ZNF431: variants seen among roughly 807,000 people sequenced by gnomAD.
ZNF431 encodes zinc finger protein 431.
Under a neutral mutation model 57.0 loss-of-function variants are expected in ZNF431, and 34 were observed. The ratio of observed to expected loss-of-function variants is 0.60; its 90% CI spans 0.45 to 0.79. The LOEUF (loss-of-function observed/expected upper bound fraction) is 0.79, where lower values mean the gene tolerates loss of function less well. ZNF431 is among the 30% of genes least tolerant of loss of function. The pLI is 0.00. For missense variants in ZNF431, 607 were observed against 667.1 expected, an observed-to-expected ratio of 0.91 and a Z score of 0.99; for synonymous variants, 207 against 220.3, an observed-to-expected ratio of 0.94 and a Z score of 0.54.
chr19:21,170,767 A>G (rs957979449), intron 4 of ZNF431, among the ~76,000 whole-genome samples: 19 of 151,436 alleles, frequency 1.3e-4, no homozygotes, highest in African/African-American at 4.4e-4. Context: ...TGCACCTCCC[A>G]GGTTATAGCT....
intron 2 of ZNF431, among the ~76,000 whole-genome samples, chr19:21,164,418 A>G (rs2144986826): frequency 6.6e-6 from 1 of 152,172 alleles, no homozygotes; most frequent in Non-Finnish European, 1.5e-5. Flanking sequence ...ATGGCAGATC[A>G]TATTTTTATT....
intron 4 of ZNF431, among the ~76,000 whole-genome samples, chr19:21,181,291 C>T (rs1287980619): frequency 6.6e-6 from 1 of 151,980 alleles, no homozygotes; most frequent in East Asian, 1.9e-4. Flanking sequence ...AGCCAATGTA[C>T]TTTTTCAGTA....
At chr19:21,179,809 C>T (rs1671580428) in intron 4 of ZNF431, among the ~76,000 whole-genome samples, 1 of 152,030 alleles carries the variant, frequency 6.6e-6, no homozygotes, top group Admixed American at 6.5e-5. Context: ...ATCTGTCCGC[C>T]TCAGCCTCCC....
At chr19:21,159,033 T>G (rs1359319692) in intron 2 of ZNF431, among the ~76,000 whole-genome samples, 1 of 152,244 alleles carries the variant, frequency 6.6e-6, no homozygotes, top group Admixed American at 6.5e-5. Flanking sequence ...TGAAGGATGT[T>G]AAATTATATT....
chr19:21,149,971 C>G, intron 2 of ZNF431: 1 of 588,470 alleles, frequency 1.7e-6, no homozygotes, highest in South Asian at 1.7e-5. Context: ...CCACATCATG[C>G]GCAATCACCA....
chr19:21,155,830 T>G (rs886267626), intron 2 of ZNF431, among the ~76,000 whole-genome samples: 1 of 152,098 alleles, frequency 6.6e-6, no homozygotes, highest in Non-Finnish European at 1.5e-5. Flanking sequence ...AAGGAAGATA[T>G]CCCAGAGCCC....
intron 2 of ZNF431, among the ~76,000 whole-genome samples, chr19:21,146,885 T>A (rs1970114674): frequency 6.6e-6 from 1 of 152,154 alleles, no homozygotes; most frequent in Non-Finnish European, 1.5e-5. Context: ...CCCCCATCTT[T>A]TTCACAAGGG....
At position 21,186,749 on chromosome 19, in the gene ZNF431, A is replaced by T. The variant is rs1178882256; in HGVS notation, c.*2715A>T. On this transcript the variant is annotated 3_prime_UTR_variant, in exon 5 of 5. Coordinates refer to ENST00000311048, the MANE Select transcript of ZNF431 (RefSeq NM_133473.4). ...TATTCATTATGTGAGCTGGTCTGCG[A>T]TTATAAGAATTTTTATGAAATTTAG... 3 of 152,022 alleles carry T rather than the reference A, an allele frequency of 2.0e-5. No individual in the cohort carries two copies. Among genetic ancestry groups the T allele is most frequent in the Non-Finnish European group, 4.4e-5 (3 of 67,984 alleles). The allele number at this position is 152,022 out of a possible 1,614,324, so 9.4% of individuals were successfully genotyped here.
Position 21,184,590 on chromosome 19 carries a change from C to G in ZNF431, c.*556C>G, listed in dbSNP as rs1176062272. ...AAGCCTTTAAATGGTTGTCACACTTCATTGTAGGTAAGATAATTCATACTG... is the reference window on the plus strand; with the variant it reads ...AAGCCTTTAAATGGTTGTCACACTTGATTGTAGGTAAGATAATTCATACTG... On this transcript the variant is annotated 3_prime_UTR_variant, in exon 5 of 5. Coordinates refer to ENST00000311048, the MANE Select transcript of ZNF431 (RefSeq NM_133473.4). 1 of 153,296 alleles carries G rather than the reference C, an allele frequency of 6.5e-6. No individual in the cohort carries two copies. Among genetic ancestry groups the G allele is most frequent in the African/African-American group, 2.4e-5 (1 of 41,422 alleles). 9.5% of individuals were successfully genotyped at this position (153,296 alleles called of 1,614,324 possible).
Position 21,185,913 on chromosome 19 carries a change from CCA to C in ZNF431, c.*1882_*1883del, listed in dbSNP as rs2145062686. 1 of 152,208 alleles carries C rather than the reference CCA, an allele frequency of 6.6e-6. No homozygotes were observed. The highest frequency in any genetic ancestry group is 1.9e-4 in the East Asian group (1 of 5,186). The allele number at this position is 152,208 out of a possible 1,614,324, so 9.4% of individuals were successfully genotyped here. The stretch of plus-strand genomic sequence containing the variant: ...AAATGTACAATTAAATTTTTATTTA[CCA>C]CAGTGTTATTTTTATCGTCATAATA... On this transcript the variant is annotated 3_prime_UTR_variant, in exon 5 of 5. Coordinates refer to ENST00000311048, the MANE Select transcript of ZNF431 (RefSeq NM_133473.4).
chr19:21,153,257 C>T (rs1209891153), intron 2 of ZNF431, among the ~76,000 whole-genome samples: 2 of 152,106 alleles, frequency 1.3e-5, no homozygotes, highest in Non-Finnish European at 2.9e-5. Flanking sequence ...GTCTTTATGA[C>T]CTGTATCTTA....
intron 4 of ZNF431, among the ~76,000 whole-genome samples, chr19:21,180,225 C>T (rs1971172511): frequency 6.6e-6 from 1 of 152,142 alleles, no homozygotes; most frequent in African/African-American, 2.4e-5. Flanking sequence ...CCAAGTAGTG[C>T]TAGCTGCTTA....
intron 4 of ZNF431, among the ~76,000 whole-genome samples, chr19:21,176,125 G>A (rs536028995): frequency 2.0e-5 from 3 of 152,196 alleles, no homozygotes; most frequent in Middle Eastern, 3.4e-3. Context: ...TTTCTGACTG[G>A]GGTGAGATGG....
chr19:21,166,731 C>A (rs1203491856), intron 3 of ZNF431, among the ~76,000 whole-genome samples: 1 of 152,108 alleles, frequency 6.6e-6, no homozygotes, highest in African/African-American at 2.4e-5. Flanking sequence ...TATCACTGCC[C>A]ATATCTTAAA....
At chr19:21,164,636 A>C (rs1970668274) in intron 2 of ZNF431, among the ~76,000 whole-genome samples, 1 of 152,068 alleles carries the variant, frequency 6.6e-6, no homozygotes, top group Non-Finnish European at 1.5e-5. Context: ...AAGGAGGAGA[A>C]AGAGGAATAA....
At chr19:21,176,234 C>T (rs1483078578) in intron 4 of ZNF431, among the ~76,000 whole-genome samples, 1 of 144,166 alleles carries the variant, frequency 6.9e-6, no homozygotes, top group Non-Finnish European at 1.5e-5. Flanking sequence ...TTGTTCTTTG[C>T]TCACTTTTTT....
rs1286043929 is a variant in ZNF431 at position 21,189,292 on chromosome 19, C to T, written c.*5258C>T. 1 of 152,150 alleles carries T rather than the reference C, an allele frequency of 6.6e-6. No individual in the cohort carries two copies. Among genetic ancestry groups the T allele is most frequent in the East Asian group, 1.9e-4 (1 of 5,180 alleles). 9.4% of individuals were successfully genotyped at this position (152,150 alleles called of 1,614,324 possible). A position where few individuals can be genotyped will look rare whatever the true frequency, so the allele number is the denominator to read the frequency against. On this transcript the variant is annotated 3_prime_UTR_variant, in exon 5 of 5. Transcript: ENST00000311048. The stretch of plus-strand genomic sequence containing the variant: ...ATGAGGTCAGGAGTTCGGGACCAGC[C>T]TGGCGACCATGGGGAAACCCTGTCT...
chr19:21,147,671 G>A (rs1265608521), intron 2 of ZNF431, among the ~76,000 whole-genome samples: 1 of 151,350 alleles, frequency 6.6e-6, no homozygotes, highest in African/African-American at 2.4e-5. Flanking sequence ...ATAATTTTAT[G>A]TAACGATTGT....
Position 21,186,236 on chromosome 19 carries a change from T to TTG in ZNF431, c.*2202_*2203insTG. 6.6e-6 allele frequency: 1 copy of TTG among 152,248 alleles called. No homozygotes were observed. Among genetic ancestry groups the TTG allele is most frequent in the Non-Finnish European group, 1.5e-5 (1 of 68,104 alleles). 9.4% of individuals were successfully genotyped at this position (152,248 alleles called of 1,614,324 possible). On this transcript the variant is annotated 3_prime_UTR_variant, in exon 5 of 5. Coordinates refer to ENST00000311048, the MANE Select transcript of ZNF431 (RefSeq NM_133473.4). The stretch of plus-strand genomic sequence containing the variant: ...AGGTGGAGGTTGCAATGAGCCAAGA[T>TTG]CACCCCACTGCACTCCAGCCTGGGC...
Sources: allele counts gnomAD v4.1 joint callset (sites outside exome capture counted in the v4.1 genomes callset), GRCh38; gene constraint gnomAD v4.1.1; transcripts MANE v1.5; gene names NCBI Gene and HGNC (gene_info 2026-07-23, HGNC 2026-07-21).